The following KIF23 variants were observed in gnomAD, a reference collection of about 807,000 sequenced individuals.
The protein encoded by KIF23 is kinesin-like protein KIF23.
KIF23 carries 30 observed loss-of-function variants against 137.5 expected under a neutral mutation model. The ratio of observed to expected loss-of-function variants is 0.22; its 90% CI spans 0.16 to 0.30. KIF23 has a LOEUF of 0.30. Ranked by LOEUF, KIF23 falls within the 10% of genes least tolerant of loss-of-function variation. The pLI is 1.00. For synonymous variants in KIF23, 367 were observed against 391.1 expected, an observed-to-expected ratio of 0.94 and a Z score of 0.73; for missense variants, 920 against 1,194.3, an observed-to-expected ratio of 0.77 and a Z score of 3.38.
intron 3 of KIF23, among the ~76,000 whole-genome samples, chr15:69,421,287 C>T (rs904532175): frequency 3.9e-5 from 6 of 152,104 alleles, no homozygotes; most frequent in Non-Finnish European, 7.3e-5. Context: ...ACTTGGGAGG[C>T]TGAGGCAGGG....
chr15:69,419,760 A>T (rs555807309), intron 3 of KIF23, among the ~76,000 whole-genome samples: 1 of 152,350 alleles, frequency 6.6e-6, no homozygotes, highest in East Asian at 1.9e-4. Flanking sequence ...TGGCTTCAGC[A>T]AGAATGAATG....
At chr15:69,445,268 A>G (rs2057716292) in intron 20 of KIF23, among the ~76,000 whole-genome samples, 1 of 152,152 alleles carries the variant, frequency 6.6e-6, no homozygotes, top group Non-Finnish European at 1.5e-5. Context: ...GGTTTCTTAG[A>G]ATTCTAGATC....
intron 11 of KIF23, 79 bp downstream of exon 11, chr15:69,429,292 G>A: frequency 2.1e-6 from 2 of 935,808 alleles, no homozygotes; most frequent in Non-Finnish European, 3.3e-6. Flanking sequence ...CTTATCAATG[G>A]GTGGTTCTTT....
intron 19 of KIF23, among the ~76,000 whole-genome samples, chr15:69,442,798 G>A (rs564658925): frequency 2.6e-5 from 4 of 152,294 alleles, no homozygotes; most frequent in South Asian, 4.1e-4. Context: ...AGATTCTTAC[G>A]TGAAATCAAA....
chr15:69,439,434 T>A (rs888515004), intron 16 of KIF23, among the ~76,000 whole-genome samples: 2 of 152,134 alleles, frequency 1.3e-5, no homozygotes, highest in Admixed American at 1.3e-4. Context: ...TACAAATCGA[T>A]TGTAAAAGTA....
chr15:69,430,428 C>A (rs1163634940), intron 11 of KIF23, among the ~76,000 whole-genome samples: 2 of 152,158 alleles, frequency 1.3e-5, no homozygotes, highest in Non-Finnish European at 2.9e-5. Context: ...CCCATTAATT[C>A]TCTCTGCTGG....
At chr15:69,428,633 C>T (rs529510200) in intron 10 of KIF23, among the ~76,000 whole-genome samples, 43 of 118,978 alleles carry the variant, frequency 3.6e-4, no homozygotes, top group African/African-American at 1.2e-3. Context: ...GCAATCCAGC[C>T]GGGAGGTAGA....
intron 16 of KIF23, among the ~76,000 whole-genome samples, chr15:69,438,723 C>T (rs897553258): frequency 6.6e-6 from 1 of 152,028 alleles, no homozygotes; most frequent in South Asian, 2.1e-4. Flanking sequence ...ATCGCTTGAA[C>T]TGGGGAGGTG....
chr15:69,446,867 T>A lies in KIF23; in HGVS notation c.2839-4T>A. On this transcript the variant is annotated splice_region_variant and splice_polypyrimidine_tract_variant and intron_variant, in intron 22 of 23. Transcript: ENST00000679126. ...TCTTTTTCCTCTTGTCATTTTCCTC[T>A]CAGTGTTCTGTGGCTGTGGAGATGA... The A allele has an allele frequency of 6.2e-7, 1 of 1,614,022 alleles. No homozygotes were observed. Among genetic ancestry groups the A allele is most frequent in the African/African-American group, 1.3e-5 (1 of 75,048 alleles).
intron 14 of KIF23, 123 bp from the exon 15 acceptor site, chr15:69,436,441 C>A (rs929449285): frequency 1.1e-5 from 13 of 1,188,804 alleles, no homozygotes; most frequent in Admixed American, 5.0e-5. Flanking sequence ...GGTAAGTAAA[C>A]TTATGTCAGC....
intron 16 of KIF23, among the ~76,000 whole-genome samples, chr15:69,439,080 A>G (rs1198898869): frequency 6.6e-6 from 1 of 151,528 alleles, no homozygotes; most frequent in African/African-American, 2.4e-5. Flanking sequence ...CCTAGGTGAC[A>G]GAGCGAGAGC....
intron 21 of KIF23, 44 bp from the exon 22 acceptor site, chr15:69,446,239 T>C (rs1282427424): frequency 1.3e-6 from 2 of 1,564,398 alleles, no homozygotes; most frequent in Non-Finnish European, 1.8e-6. Context: ...TTTCCTCTTC[T>C]TAGATGGAAA....
At position 69,418,482 on chromosome 15, in the gene KIF23, G is replaced by A. The variant is rs936493318; in HGVS notation, c.210+971G>A. Reference sequence around the variant, plus strand: ...TTTCTTCTCAAGGAATGGCACTATCGTGTGTCCAGTTGCTCAAGCCAGAAA... The same window carrying A: ...TTTCTTCTCAAGGAATGGCACTATCATGTGTCCAGTTGCTCAAGCCAGAAA... On this transcript the variant is annotated intron_variant, in intron 3 of 23. Coordinates refer to ENST00000679126, the MANE Select transcript of KIF23 (RefSeq NM_001367805.3). Among the ~76,000 whole-genome samples, 4 of 152,128 alleles carry A rather than the reference G, an allele frequency of 2.6e-5. No individual in the cohort carries two copies. In the South Asian group the frequency reaches 6.2e-4, roughly 24 times the overall value.
chr15:69,435,227 C>T (rs549579957), intron 11 of KIF23: 3 of 519,666 alleles, frequency 5.8e-6, no homozygotes, highest in African/African-American at 3.8e-5. Flanking sequence ...TAGTCATTAA[C>T]TGTAATGTTG....
intron 17 of KIF23, 105 bp from the exon 18 acceptor site, chr15:69,440,200 GGAA>G: frequency 6.7e-7 from 1 of 1,494,336 alleles, no homozygotes; most frequent in Non-Finnish European, 9.0e-7. Flanking sequence ...TTAACTCTCA[GGAA>G]GAATTGGAGA....
rs1264045379 is a variant in KIF23 at position 69,438,417 on chromosome 15, CA to C, written c.1755+13del. On this transcript the variant is annotated intron_variant, in intron 16 of 23. Transcript: ENST00000679126. ...CTTTAGAATATAAGGTTTGTTTTGA[CA>C]TTATTATGATAGATGTATGTGCTGG... is the stretch of plus-strand genomic sequence containing the variant. 1.3e-6 allele frequency: 2 copies of C among 1,596,420 alleles called. No homozygotes were observed.
chr15:69,414,558 GCCGCGGCCGTACGC>G, intron 1 of KIF23, 82 bp downstream of exon 1: 8 of 1,375,706 alleles, frequency 5.8e-6, no homozygotes, highest in Admixed American at 6.2e-5. Context: ...CTCCACTCAG[GCCGCGGCCGTACGC>G]GGGCAGCGCG....
At chr15:69,440,102 G>T in intron 17 of KIF23, 25 bp downstream of exon 17, 1 of 1,600,732 alleles carries the variant, frequency 6.2e-7, no homozygotes, top group Non-Finnish European at 8.5e-7. Context: ...GGTAGTGCTT[G>T]TCTCAGAGTC....
At chr15:69,414,707 C>T (rs1268003468) in intron 1 of KIF23, 4 of 426,290 alleles carry the variant, frequency 9.4e-6, no homozygotes, top group Admixed American at 4.5e-5. Flanking sequence ...CCCGCCTGGG[C>T]CTCCAAGGGG....
Sources: gnomAD v4.1 joint callset for allele counts (sites outside exome capture counted in the v4.1 genomes callset) on GRCh38, gnomAD v4.1.1 for gene constraint, MANE v1.5 for transcripts, NCBI Gene and HGNC (gene_info 2026-07-23, HGNC 2026-07-21) for gene names.